BIRC2: variants seen among roughly 807,000 people sequenced by gnomAD.
BIRC2 encodes baculoviral IAP repeat-containing protein 2.
Under a neutral mutation model 60.9 loss-of-function variants are expected in BIRC2, and 18 were observed. The observed-to-expected ratio is 0.30, with a 90% CI of 0.20 to 0.44. The LOEUF is 0.44. Ranked by LOEUF, BIRC2 falls within the 20% of genes least tolerant of loss-of-function variation. BIRC2 has a pLI of 1.00. For synonymous variants in BIRC2, 282 were observed against 247.7 expected, an observed-to-expected ratio of 1.14 and a Z score of -1.30; for missense variants, 701 against 728.5, an observed-to-expected ratio of 0.96 and a Z score of 0.43.
At chr11:102,367,861 C>T (rs1469512662) in intron 5 of BIRC2, among the ~76,000 whole-genome samples, 1 of 152,128 alleles carries the variant, frequency 6.6e-6, no homozygotes, top group Non-Finnish European at 1.5e-5. Context: ...AGACCCTGTC[C>T]ATCCTTCAAG....
rs79173425 is a variant in BIRC2 at position 102,359,581 on chromosome 11, T to C, written c.996-3315T>C. ...TTGTCTGGGACTGTTTATATCTCTT[T>C]CATTTCTGAAGGACAGCTTTGCTGG... is the stretch of plus-strand genomic sequence containing the variant. On this transcript the variant is annotated intron_variant, in intron 3 of 8. Transcript: ENST00000227758. Among the ~76,000 whole-genome samples, 172 of 152,344 alleles carry C rather than the reference T, an allele frequency of 1.1e-3. 1 individual carries two copies. In the South Asian group the frequency reaches 0.017, roughly 15 times the overall value.
chr11:102,360,637 G>T (rs1380746239), intron 3 of BIRC2, among the ~76,000 whole-genome samples: 1 of 147,272 alleles, frequency 6.8e-6, no homozygotes, highest in Non-Finnish European at 1.5e-5. Context: ...CCATTTCTTT[G>T]TGGGTGATTA....
chr11:102,362,124 C>A (rs1388129065), intron 3 of BIRC2, among the ~76,000 whole-genome samples: 1 of 152,092 alleles, frequency 6.6e-6, no homozygotes, highest in Non-Finnish European at 1.5e-5. Context: ...TCTAATAATT[C>A]TTTACCCAAT....
At chr11:102,375,664 C>T (rs1002801641) in intron 6 of BIRC2, among the ~76,000 whole-genome samples, 1 of 151,736 alleles carries the variant, frequency 6.6e-6, no homozygotes, top group African/African-American at 2.4e-5. Context: ...CCTGTAGTCC[C>T]AGCTATTCGG....
chr11:102,357,858 T>A (rs1325942247), intron 3 of BIRC2, among the ~76,000 whole-genome samples: 4 of 152,190 alleles, frequency 2.6e-5, no homozygotes, highest in Non-Finnish European at 4.4e-5. Context: ...AGATTTTTTT[T>A]AAATATAGGC....
At chr11:102,374,218 C>T (rs1204197226) in intron 6 of BIRC2, among the ~76,000 whole-genome samples, 4 of 151,554 alleles carry the variant, frequency 2.6e-5, no homozygotes, top group Admixed American at 2.0e-4. Flanking sequence ...TGAGGAACTG[C>T]GTTCCTTTGG....
chr11:102,372,900 T>G (rs1479930153), intron 6 of BIRC2, among the ~76,000 whole-genome samples: 5 of 145,426 alleles, frequency 3.4e-5, no homozygotes, highest in Admixed American at 2.1e-4. Context: ...CTTGTTGAAT[T>G]GATCCCTTTA....
intron 6 of BIRC2, among the ~76,000 whole-genome samples, chr11:102,377,197 C>T (rs12271457): frequency 0.074 from 11,222 of 152,066 alleles, 512 homozygotes; most frequent in African/African-American, 0.12. Flanking sequence ...AATGGAAATA[C>T]AAGAGTATTA....
Position 102,354,441 on chromosome 11 carries a change from T to G in BIRC2, c.995+3498T>G, listed in dbSNP as rs566488848. Among the ~76,000 whole-genome samples, 3 of 152,310 alleles carry G rather than the reference T, an allele frequency of 2.0e-5. No homozygotes were observed. In the East Asian group the frequency reaches 5.8e-4, roughly 29 times the overall value. On this transcript the variant is annotated intron_variant, in intron 3 of 8. Transcript: ENST00000227758. Reference sequence around the variant, plus strand: ...CCAGGCTGGTCTCAGACTCCTGATCTCAAGTGATCCACCCGGAGTGGATGG... The same window carrying G: ...CCAGGCTGGTCTCAGACTCCTGATCGCAAGTGATCCACCCGGAGTGGATGG...
At chr11:102,362,777 G>C (rs756403075) in intron 3 of BIRC2, 119 bp from the exon 4 acceptor site, 4 of 687,552 alleles carry the variant, frequency 5.8e-6, no homozygotes, top group Non-Finnish European at 9.9e-6. Flanking sequence ...TCTGGGTTGT[G>C]ACGTAAAATG....
At chr11:102,372,485 G>A (rs1951645155) in intron 6 of BIRC2, among the ~76,000 whole-genome samples, 1 of 152,034 alleles carries the variant, frequency 6.6e-6, no homozygotes, top group African/African-American at 2.4e-5. Context: ...GATTTTGAGT[G>A]TTTCTTAATC....
intron 6 of BIRC2, among the ~76,000 whole-genome samples, chr11:102,369,963 CTTTT>C (rs1366408727): frequency 2.0e-5 from 3 of 152,006 alleles, no homozygotes; most frequent in Admixed American, 2.0e-4. Flanking sequence ...TAAATGTCTT[CTTTT>C]GAGAAGTGCC....
chr11:102,378,439 A>G lies in BIRC2; in HGVS notation c.*256A>G, dbSNP rs1398833584. On this transcript the variant is annotated 3_prime_UTR_variant, in exon 9 of 9. Transcript: ENST00000227758. ...TATGTGTACCTAAGGGAGTAGTGTC[A>G]CTGCTTGTTATGCATCATTTCAGGA... The G allele has an allele frequency of 3.7e-6, 1 of 268,944 alleles. No homozygotes were observed. The highest frequency in any genetic ancestry group is 6.9e-6 in the Non-Finnish European group (1 of 145,524). The allele number at this position is 268,944 out of a possible 1,614,324, so 16.7% of individuals were successfully genotyped here.
chr11:102,359,614 A>G (rs1183658681), intron 3 of BIRC2, among the ~76,000 whole-genome samples: 1 of 152,202 alleles, frequency 6.6e-6, no homozygotes, highest in Non-Finnish European at 1.5e-5. Flanking sequence ...TGGGATACAT[A>G]TTCTTGTCTG....
In BIRC2 at chr11:102,359,449, C is replaced by A. The variant is rs11225223; in HGVS notation, c.996-3447C>A. 9.7e-3 allele frequency among the ~76,000 whole-genome samples: 1,475 copies of A among 152,192 alleles called. 23 individuals are homozygous for A. The highest frequency in any genetic ancestry group is 0.034 in the African/African-American group (1,396 of 41,530). The stretch of plus-strand genomic sequence containing the variant: ...ATCTTAACAGTGAGTTTCATACTTT[C>A]ATATGTTTCCATGTTGCTAATTAGT... On this transcript the variant is annotated intron_variant, in intron 3 of 8. Coordinates refer to ENST00000227758, the MANE Select transcript of BIRC2 (RefSeq NM_001166.5).
chr11:102,374,923 C>A (rs537320652), intron 6 of BIRC2, among the ~76,000 whole-genome samples: 1 of 152,168 alleles, frequency 6.6e-6, no homozygotes, highest in Non-Finnish European at 1.5e-5. Flanking sequence ...GGGAGTGACC[C>A]GATTTTCCAG....
At chr11:102,364,174 T>TATATATATATATATATAAAC (rs1389968594) in intron 5 of BIRC2, among the ~76,000 whole-genome samples, 1 of 78,118 alleles carries the variant, frequency 1.3e-5, no homozygotes, top group Non-Finnish European at 2.3e-5. Flanking sequence ...TATATATATA[T>TATATATATATATATATAAAC]ACACACACAC....
In BIRC2 at chr11:102,377,873, G is replaced by C. The variant is rs199745735; in HGVS notation, c.1638G>C (p.Lys546Asn). 1 of 1,610,924 alleles carries C rather than the reference G, an allele frequency of 6.2e-7. No individual in the cohort carries two copies. The highest frequency in any genetic ancestry group is 2.2e-5 in the East Asian group (1 of 44,856). Reference sequence around the variant, plus strand: ...TTTCCTCAGTGGATAAGAATATGAAGTATATTCCAACAGAAGATGTTTCAG... The same window carrying C: ...TTTCCTCAGTGGATAAGAATATGAACTATATTCCAACAGAAGATGTTTCAG... Reference protein sequence around the residue: ...YKNLFVDKNMKYIPTEDVSGL... With the variant: ...YKNLFVDKNMNYIPTEDVSGL... The change falls in exon 8 of 9, where the codon AAG (lysine) becomes AAC (asparagine). Residue 546 changes from lysine (K) to asparagine (N), a missense_variant. Coordinates refer to ENST00000227758, the MANE Select transcript of BIRC2 (RefSeq NM_001166.5).
intron 6 of BIRC2, among the ~76,000 whole-genome samples, chr11:102,369,218 G>C (rs2135819168): frequency 6.7e-6 from 1 of 149,752 alleles, no homozygotes; most frequent in Non-Finnish European, 1.5e-5. Context: ...CATTGTGCAG[G>C]TTAGTTACAT....
Sources: allele counts gnomAD v4.1 joint callset (sites outside exome capture counted in the v4.1 genomes callset), GRCh38; gene constraint gnomAD v4.1.1; transcripts MANE v1.5; gene names NCBI Gene and HGNC (gene_info 2026-07-23, HGNC 2026-07-21).